Variants in SNTG2 observed in about 807,000 individuals in gnomAD.
SNTG2 encodes the protein syntrophin gamma 2.
In SNTG2, 74 loss-of-function variants were observed where a neutral mutation model predicts 70.9. The observed-to-expected ratio is 1.04, with a 90% confidence interval of 0.86 to 1.27. The LOEUF is 1.27. Among genes scored for constraint, SNTG2 ranks in the 50% most tolerant of loss-of-function variants. The probability of loss-of-function intolerance (pLI) is 0.00; values close to 1 mark genes in which losing one functional copy is unlikely to be tolerated. For synonymous variants in SNTG2, 278 were observed against 273.8 expected (o/e 1.02, Z -0.15); for missense variants, 717 against 690.7 (o/e 1.04, Z -0.43).
chr2:1,315,064 G>A (rs1377314069), intron 15 of SNTG2, among the ~76,000 whole-genome samples: 1 of 152,206 alleles, frequency 6.6e-6, no homozygotes, highest in Non-Finnish European at 1.5e-5. Context: ...TTTCTAGATA[G>A]TGTCTGGCAA....
chr2:1,255,723 T>C (rs965795600), intron 12 of SNTG2, among the ~76,000 whole-genome samples: 2 of 150,832 alleles, frequency 1.3e-5, no homozygotes, highest in African/African-American at 4.9e-5. Flanking sequence ...GTATTGTCAC[T>C]GCATCATGGG....
At chr2:1,034,689 T>C (rs191658300) in intron 1 of SNTG2, among the ~76,000 whole-genome samples, 49 of 152,310 alleles carry the variant, frequency 3.2e-4, no homozygotes, top group African/African-American at 1.2e-3. Flanking sequence ...TGATTTTGAT[T>C]TGCATTTCTC....
intron 8 of SNTG2, among the ~76,000 whole-genome samples, chr2:1,208,271 AGT>A (rs1348916650): frequency 1.3e-4 from 10 of 75,194 alleles, no homozygotes; most frequent in Admixed American, 3.5e-4. Context: ...CACGCCCATG[AGT>A]GTGGGGCACA....
intron 1 of SNTG2, among the ~76,000 whole-genome samples, chr2:972,997 C>T (rs797017856): frequency 2.0e-5 from 3 of 151,604 alleles, no homozygotes; most frequent in Non-Finnish European, 4.4e-5. Flanking sequence ...TGTCTTGTAA[C>T]ATTTACATAT....
intron 1 of SNTG2, among the ~76,000 whole-genome samples, chr2:1,032,444 G>C (rs1403994995): frequency 6.6e-6 from 1 of 152,134 alleles, no homozygotes; most frequent in East Asian, 1.9e-4. Context: ...CCAAATTTTA[G>C]ATAGCCCAAA....
chr2:1,289,488 G>A (rs12467819), intron 14 of SNTG2, among the ~76,000 whole-genome samples: 15,414 of 152,144 alleles, frequency 0.1, 875 homozygotes, highest in South Asian at 0.19. Context: ...GGAAGCCCAT[G>A]GCACACTTTG....
intron 2 of SNTG2, 136 bp from the exon 3 acceptor site, chr2:1,098,060 T>C (rs1392691044): frequency 2.6e-5 from 23 of 873,620 alleles, no homozygotes; most frequent in Non-Finnish European, 9.4e-6. Flanking sequence ...GTGTCATTAC[T>C]GTCATATTTA....
At chr2:1,195,356 G>T (rs7592964) in intron 8 of SNTG2, among the ~76,000 whole-genome samples, 2 of 151,992 alleles carry the variant, frequency 1.3e-5, no homozygotes, top group African/African-American at 4.8e-5. Flanking sequence ...GTGTAAAAGC[G>T]TTCCTATTTC....
chr2:995,406 G>A (rs1201970101), intron 1 of SNTG2, among the ~76,000 whole-genome samples: 1 of 151,928 alleles, frequency 6.6e-6, no homozygotes, highest in East Asian at 1.9e-4. Context: ...TTGAATTTCT[G>A]GTATAAATCC....
chr2:1,178,788 G>C (rs1448737623), intron 8 of SNTG2, among the ~76,000 whole-genome samples: 2 of 152,152 alleles, frequency 1.3e-5, no homozygotes, highest in Admixed American at 1.3e-4. Flanking sequence ...TCTCTGCCAG[G>C]CTTTGGTATC....
chr2:1,295,715 A>T (rs1174549718), intron 14 of SNTG2, among the ~76,000 whole-genome samples: 4 of 133,262 alleles, frequency 3.0e-5, no homozygotes, highest in Middle Eastern at 5.0e-3. Context: ...CGTATTGGGG[A>T]GGGAGGAGCA....
At chr2:1,066,252 A>G (rs1256337723) in intron 1 of SNTG2, among the ~76,000 whole-genome samples, 2 of 152,196 alleles carry the variant, frequency 1.3e-5, no homozygotes, top group East Asian at 1.9e-4. Context: ...CGTTGTCAAG[A>G]TGGTTGAAGA....
At chr2:1,115,831 C>T (rs865775511) in intron 4 of SNTG2, among the ~76,000 whole-genome samples, 1 of 152,218 alleles carries the variant, frequency 6.6e-6, no homozygotes, top group South Asian at 2.1e-4. Flanking sequence ...CAGGGACAGT[C>T]ACTGAAGTTT....
chr2:951,035 C>T lies in SNTG2; in HGVS notation c.39C>T (p.Arg13=). 7.9e-7 allele frequency: 1 copy of T among 1,267,306 alleles called. No homozygotes were observed. The highest frequency in any genetic ancestry group is 3.9e-5 in the Admixed American group (1 of 25,680). 78.5% of individuals were successfully genotyped at this position (1,267,306 alleles called of 1,614,324 possible). ...TEGPPPPAAS[R]GRQGCLLVPA... is the part of the protein sequence containing the mutation. ...GACCCCCGCCCCCGGCCGCCTCCCG[C>T]GGACGCCAGGGCTGCCTGCTGGTAC... The change falls in exon 1 of 17, where the codon CGC becomes CGT. Residue 13 remains arginine, a synonymous_variant. Transcript: ENST00000308624.
intron 1 of SNTG2, among the ~76,000 whole-genome samples, chr2:1,077,857 C>T (rs4390800): frequency 0.81 from 122,803 of 152,128 alleles, 49,672 homozygotes; most frequent in Admixed American, 0.88. Flanking sequence ...GATCTTTCTC[C>T]GTAGGAATGT....
intron 9 of SNTG2, 107 bp downstream of exon 9, chr2:1,209,337 A>G: frequency 1.5e-6 from 2 of 1,333,262 alleles, no homozygotes; most frequent in East Asian, 2.3e-5. Flanking sequence ...GACATTAGCA[A>G]GTGTGCGTGC....
In SNTG2 at chr2:1,260,793, A is replaced by G. The variant is rs190043932; in HGVS notation, c.1077+1352A>G. 1.1e-3 allele frequency among the ~76,000 whole-genome samples: 173 copies of G among 152,270 alleles called. 3 individuals are homozygous for G. The East Asian group carries it at 0.025, about 22-fold the overall frequency. ...CACATTTCCACAGAAGAATTCGTAG[A>G]AGAATTCTTGGCCTTTTTGTTTCCT... On this transcript the variant is annotated intron_variant, in intron 13 of 16. Coordinates refer to ENST00000308624, the MANE Select transcript of SNTG2 (RefSeq NM_018968.4).
At chr2:1,256,564 C>G (rs1678132969) in intron 12 of SNTG2, 1 of 152,064 alleles carries the variant, frequency 6.6e-6, no homozygotes, top group Non-Finnish European at 1.5e-5. Flanking sequence ...TTTTCTAGAG[C>G]TATAACTCGT....
rs1675129127 is a variant in SNTG2, at chr2:1,222,053, CTCTGTCTCTGTTTCTCTCTGTCTCTG to C, written c.719+12827_719+12852del. ...CCTATCTCTGTCTCTCTCTGTCTCT[CTCTGTCTCTGTTTCTCTCTGTCTCTG>C]TCTCTGTCTCTCTCTGTCTCTCTCT... On this transcript the variant is annotated intron_variant, in intron 9 of 16. Coordinates refer to ENST00000308624, the MANE Select transcript of SNTG2 (RefSeq NM_018968.4). Among the ~76,000 whole-genome samples, 2 of 93,662 alleles carry C rather than the reference CTCTGTCTCTGTTTCTCTCTGTCTCTG, an allele frequency of 2.1e-5. 1 individual carries two copies. The highest frequency in any genetic ancestry group is 4.6e-5 in the Non-Finnish European group (2 of 43,680). The allele number at this position is 93,662 out of a possible 152,430, so 61.4% of individuals were successfully genotyped here.
Sources: gnomAD v4.1 joint callset for allele counts (sites outside exome capture counted in the v4.1 genomes callset) on GRCh38, gnomAD v4.1.1 for gene constraint, MANE v1.5 for transcripts, NCBI Gene and HGNC (gene_info 2026-07-23, HGNC 2026-07-21) for gene names.